The following CLCN3 variants were observed in gnomAD, a reference collection of about 807,000 sequenced individuals.
CLCN3 encodes Cl-/H+ antiporter 3.
Under a neutral mutation model 83.4 loss-of-function variants are expected in CLCN3, and 16 were observed. That is an observed-to-expected ratio of 0.19 (90% confidence interval 0.13 to 0.29). The LOEUF is 0.29. CLCN3 is among the 10% of genes least tolerant of loss of function. The pLI, the probability that CLCN3 is intolerant of heterozygous loss-of-function variation, is 1.00. For synonymous variants in CLCN3, 322 were observed against 346.2 expected, an observed-to-expected ratio of 0.93 and a Z score of 0.78; for missense variants, 544 against 1,006.0, an observed-to-expected ratio of 0.54 and a Z score of 6.21.
At chr4:169,672,220 TGATAGATA>T (rs70964217) in intron 2 of CLCN3, among the ~76,000 whole-genome samples, 14 of 145,496 alleles carry the variant, frequency 9.6e-5, no homozygotes, top group South Asian at 2.3e-4. Context: ...TCAAAATAAA[TGATAGATA>T]GATAGATAGA....
At chr4:169,668,573 A>G (rs930682436) in intron 2 of CLCN3, among the ~76,000 whole-genome samples, 13 of 152,172 alleles carry the variant, frequency 8.5e-5, no homozygotes, top group African/African-American at 3.1e-4. Context: ...CTCAAAGTGC[A>G]GTAAAGTCAT....
Position 169,636,042 on chromosome 4 carries a change from T to C in CLCN3, c.114T>C (p.Phe38=), listed in dbSNP as rs1043231677. The C allele has an allele frequency of 4.3e-6, 7 of 1,613,168 alleles. No individual in the cohort carries two copies. The African/African-American group carries it at 9.3e-5, about 22-fold the overall frequency. The change falls in exon 2 of 13, where the codon TTT becomes TTC. Residue 38 remains phenylalanine (F), a synonymous_variant. Coordinates refer to ENST00000513761, the MANE Select transcript of CLCN3 (RefSeq NM_001829.4). ...ATGGAGCAGGTGTTATTATGGACTT[T>C]CAAACATCTGAAGATGACAATTTAT... ...LLDGAGVIMD[F]QTSEDDNLLD...
In CLCN3 at chr4:169,676,873, T is replaced by C. The variant is rs114173645; in HGVS notation, c.161-3177T>C. Among the ~76,000 whole-genome samples, 471 of 152,176 alleles carry C rather than the reference T, an allele frequency of 3.1e-3. 3 individuals carry two copies. The highest frequency in any genetic ancestry group is 0.011 in the African/African-American group (448 of 41,564). On this transcript the variant is annotated intron_variant, in intron 2 of 12. Transcript: ENST00000513761. Reference sequence around the variant, plus strand: ...TCATATATGTTTCTTCTTTCAGAAATAGGTGTTAAGTGTATCTAACATGGA... The same window carrying C: ...TCATATATGTTTCTTCTTTCAGAAACAGGTGTTAAGTGTATCTAACATGGA...
At chr4:169,695,033 G>T (rs986734850) in intron 7 of CLCN3, among the ~76,000 whole-genome samples, 8 of 152,100 alleles carry the variant, frequency 5.3e-5, no homozygotes, top group Non-Finnish European at 2.9e-5. Context: ...TTTTGTAGAG[G>T]TGTTGGTTGG....
At chr4:169,652,493 AT>A (rs534291603) in intron 2 of CLCN3, among the ~76,000 whole-genome samples, 98 of 152,222 alleles carry the variant, frequency 6.4e-4, no homozygotes, top group Middle Eastern at 3.4e-3. Context: ...ATTATATATC[AT>A]TTTTTAAAAA....
chr4:169,696,087 T>C (rs1732550014), intron 8 of CLCN3, among the ~76,000 whole-genome samples: 1 of 152,056 alleles, frequency 6.6e-6, no homozygotes, highest in African/African-American at 2.4e-5. Context: ...TTTGTTTTGT[T>C]TTGTTTTGTT....
intron 2 of CLCN3, among the ~76,000 whole-genome samples, chr4:169,673,419 G>C (rs2150231653): frequency 6.6e-6 from 1 of 152,282 alleles, no homozygotes; most frequent in African/African-American, 2.4e-5. Flanking sequence ...ATAGCAGTCT[G>C]TACTTTTCCA....
intron 1 of CLCN3, among the ~76,000 whole-genome samples, chr4:169,631,053 T>A (rs144846528): frequency 5.3e-5 from 8 of 152,366 alleles, no homozygotes; most frequent in African/African-American, 1.7e-4. Flanking sequence ...CCACAGGGGC[T>A]GAGCCAATTT....
At chr4:169,651,169 AAAAAAAATTTTTCTTCTT>A (rs950980974) in intron 2 of CLCN3, among the ~76,000 whole-genome samples, 2 of 152,010 alleles carry the variant, frequency 1.3e-5, no homozygotes, top group Non-Finnish European at 2.9e-5. Flanking sequence ...ATTGCATTGC[AAAAAAAATTTTTCTTCTT>A]AAAAAAATTT....
rs1553965336 is a variant in CLCN3, at chr4:169,636,735, G to GTTGTTTTTT, written c.160+649_160+650insGTTTTTTTT. 6.7e-5 allele frequency among the ~76,000 whole-genome samples: 8 copies of GTTGTTTTTT among 119,514 alleles called. 1 individual carries two copies. The highest frequency in any genetic ancestry group is 8.9e-5 in the African/African-American group (3 of 33,560). The allele number at this position is 119,514 out of a possible 152,430, so 78.4% of individuals were successfully genotyped here. ...TTCTACACTGATATTTCATTATTTGGTTTTTTTTTTTTTTTTCATATTTTG... is the reference window on the plus strand; with the variant it reads ...TTCTACACTGATATTTCATTATTTGGTTGTTTTTTTTTTTTTTTTTTTTTTCATATTTTG... On this transcript the variant is annotated intron_variant, in intron 2 of 12. Coordinates refer to ENST00000513761, the MANE Select transcript of CLCN3 (RefSeq NM_001829.4).
chr4:169,625,185 T>A (rs1263526362), intron 1 of CLCN3, among the ~76,000 whole-genome samples: 1 of 152,232 alleles, frequency 6.6e-6, no homozygotes, highest in African/African-American at 2.4e-5. Context: ...AGCTCAGATT[T>A]TCACCTCTCT....
At chr4:169,659,211 T>G (rs1730972043) in intron 2 of CLCN3, among the ~76,000 whole-genome samples, 2 of 152,212 alleles carry the variant, frequency 1.3e-5, no homozygotes, top group African/African-American at 4.8e-5. Context: ...AATCTCCCAG[T>G]CTAGAGGAAT....
At chr4:169,697,797 T>A in intron 9 of CLCN3, 63 bp downstream of exon 9, 1 of 1,042,270 alleles carries the variant, frequency 9.6e-7, no homozygotes, top group Non-Finnish European at 1.4e-6. Context: ...ATATGTGGAA[T>A]GAGAGAGGTT....
At chr4:169,645,415 T>C (rs563292901) in intron 2 of CLCN3, among the ~76,000 whole-genome samples, 6 of 152,360 alleles carry the variant, frequency 3.9e-5, no homozygotes, top group Non-Finnish European at 5.9e-5. Context: ...TTTTTCTTCA[T>C]GATGGAATTT....
intron 7 of CLCN3, among the ~76,000 whole-genome samples, chr4:169,692,664 A>G (rs1160630348): frequency 6.6e-6 from 1 of 152,146 alleles, no homozygotes; most frequent in Admixed American, 6.5e-5. Flanking sequence ...TACTTTCAAC[A>G]TTAAGAGGTT....
rs1058871 is a variant in CLCN3, at chr4:169,720,361, A to G, written c.*364A>G. 0.014 allele frequency: 3,652 copies of G among 262,360 alleles called. 43 individuals carry two copies. The highest frequency in any genetic ancestry group is 0.029 in the Middle Eastern group (25 of 874). 16.3% of individuals were successfully genotyped at this position (262,360 alleles called of 1,614,324 possible). A position where few individuals can be genotyped will look rare whatever the true frequency, so the allele number is the denominator to read the frequency against. On this transcript the variant is annotated 3_prime_UTR_variant, in exon 13 of 13. Transcript: ENST00000513761. ...CGAGCACCTGGCCTGTTGCTCCAACATTGCAAAGACACATTATCAGTCCCT... is the reference window on the plus strand; with the variant it reads ...CGAGCACCTGGCCTGTTGCTCCAACGTTGCAAAGACACATTATCAGTCCCT...
In CLCN3 at chr4:169,721,629, A is replaced by G. The variant is rs1431011993; in HGVS notation, c.*1632A>G. The G allele has an allele frequency of 3.3e-5, 5 of 152,358 alleles. No homozygotes were observed. The highest frequency in any genetic ancestry group is 9.6e-5 in the African/African-American group (4 of 41,586). 9.4% of individuals were successfully genotyped at this position (152,358 alleles called of 1,614,324 possible). On this transcript the variant is annotated 3_prime_UTR_variant, in exon 13 of 13. Coordinates refer to ENST00000513761, the MANE Select transcript of CLCN3 (RefSeq NM_001829.4). Reference sequence around the variant, plus strand: ...TAACCTTTGAATCTCGGGCTAGGTTACGTCCATATTTGAAGTGGTCAGTGA... The same window carrying G: ...TAACCTTTGAATCTCGGGCTAGGTTGCGTCCATATTTGAAGTGGTCAGTGA...
chr4:169,704,189 T>C lies in CLCN3; in HGVS notation c.1750+5T>C. On this transcript the variant is annotated splice_donor_5th_base_variant and intron_variant, in intron 10 of 12. Transcript: ENST00000513761. Reference sequence around the variant, plus strand: ...TTGGTGCTGCTGCATGCTTAGGTAATATGGCTGTGTCTGCCTGTGTGTGGA... The same window carrying C: ...TTGGTGCTGCTGCATGCTTAGGTAACATGGCTGTGTCTGCCTGTGTGTGGA... 6.2e-7 allele frequency: 1 copy of C among 1,608,384 alleles called. No homozygotes were observed. Among genetic ancestry groups the C allele is most frequent in the Non-Finnish European group, 8.5e-7 (1 of 1,176,414 alleles).
chr4:169,676,170 T>G (rs1731667076), intron 2 of CLCN3, among the ~76,000 whole-genome samples: 1 of 152,198 alleles, frequency 6.6e-6, no homozygotes, highest in South Asian at 2.1e-4. Flanking sequence ...GGCCCTTTTT[T>G]AAAAACTGCA....
Sources: allele counts gnomAD v4.1 joint callset (sites outside exome capture counted in the v4.1 genomes callset), GRCh38; gene constraint gnomAD v4.1.1; transcripts MANE v1.5; gene names NCBI Gene and HGNC (gene_info 2026-07-23, HGNC 2026-07-21).